The following KRT8 variants were observed in gnomAD, a reference collection of about 807,000 sequenced individuals.
The protein encoded by KRT8 is keratin, type II cytoskeletal 8.
KRT8 carries 24 observed loss-of-function variants against 43.0 expected under a neutral mutation model. The observed-to-expected ratio is 0.56, with a 90% CI of 0.40 to 0.78. The LOEUF is 0.78. KRT8 is among the 30% of genes least tolerant of loss of function. The probability of loss-of-function intolerance (pLI) is 0.00; values close to 1 mark genes in which losing one functional copy is unlikely to be tolerated. For missense variants in KRT8, 492 were observed against 638.4 expected, an observed-to-expected ratio of 0.77 and a Z score of 2.47; for synonymous variants, 214 against 261.2, an observed-to-expected ratio of 0.82 and a Z score of 1.74.
chr12:52,918,073 A>AGAGGAG (rs372632283), intron 2 of KRT8, among the ~76,000 whole-genome samples: 1 of 41,876 alleles, frequency 2.4e-5, no homozygotes, highest in Non-Finnish European at 4.3e-5. Flanking sequence ...GAGAAGAAGA[A>AGAGGAG]GAGGAGGAGG....
upstream of KRT8, among the ~76,000 whole-genome samples, chr12:52,911,029 C>T (rs1941626540): frequency 1.3e-5 from 2 of 152,136 alleles, no homozygotes; most frequent in African/African-American, 4.8e-5. Context: ...TTGACCAAGG[C>T]AAGGTATTTC....
intron 1 of KRT8, among the ~76,000 whole-genome samples, chr12:52,904,427 G>C (rs1941460068): frequency 6.6e-6 from 1 of 152,176 alleles, no homozygotes; most frequent in Admixed American, 6.5e-5. Flanking sequence ...GTTTAAAAGG[G>C]AAGAAGGAAG....
At chr12:52,929,237 G>C (rs1433783833) in intron 2 of KRT8, among the ~76,000 whole-genome samples, 1 of 145,356 alleles carries the variant, frequency 6.9e-6, no homozygotes, top group Admixed American at 7.1e-5. Flanking sequence ...CCAGGCTAGA[G>C]TGCAGCGGTA....
chr12:52,901,384 C>T (rs1941366508), intron 2 of KRT8, 165 bp from the exon 3 acceptor site: 3 of 685,878 alleles, frequency 4.4e-6, no homozygotes, highest in African/African-American at 3.5e-5. Context: ...TCTCCACCCT[C>T]ACCCCTCCCT....
rs1180937574 is a variant in KRT8, at chr12:52,918,626, G to A, written c.-46-13599C>T. ...CGCAGCCACTTCCTAATGGTGTTAA[G>A]AGTTACTTCACCAGCTGAAAATGCA... is the stretch of plus-strand genomic sequence containing the variant. On this transcript the variant is annotated intron_variant, in intron 2 of 6. Coordinates refer to the KRT8 transcript ENST00000546826. Among the ~76,000 whole-genome samples the A allele has an allele frequency of 3.3e-5, 5 of 152,280 alleles. No individual in the cohort carries two copies. In the East Asian group the frequency reaches 5.8e-4, roughly 18 times the overall value.
At chr12:52,945,050 T>A (rs1020865059) in intron 2 of KRT8, among the ~76,000 whole-genome samples, 10 of 152,200 alleles carry the variant, frequency 6.6e-5, no homozygotes, top group African/African-American at 2.4e-4. Context: ...CCATGTTTAT[T>A]AATTACTTAA....
intron 2 of KRT8, among the ~76,000 whole-genome samples, chr12:52,926,811 G>A (rs1325928741): frequency 1.3e-5 from 2 of 152,096 alleles, no homozygotes; most frequent in Non-Finnish European, 1.5e-5. Context: ...AGCTCAAACC[G>A]GAGTCCTGTA....
chr12:52,917,402 A>G (rs1186907954), intron 2 of KRT8, among the ~76,000 whole-genome samples: 3 of 150,704 alleles, frequency 2.0e-5, no homozygotes, highest in African/African-American at 7.3e-5. Context: ...TCCATCTCAA[A>G]AAAAAAAAAG....
At chr12:52,904,021 C>A (rs1267033203) in intron 1 of KRT8, among the ~76,000 whole-genome samples, 1 of 151,924 alleles carries the variant, frequency 6.6e-6, no homozygotes, top group African/African-American at 2.4e-5. Flanking sequence ...CTGTGACCCC[C>A]GCACTCAGGC....
At chr12:52,924,252 T>A (rs995744953) in intron 2 of KRT8, among the ~76,000 whole-genome samples, 21 of 151,946 alleles carry the variant, frequency 1.4e-4, no homozygotes, top group African/African-American at 5.1e-4. Flanking sequence ...ATCGAGACCA[T>A]CCTGGCTAAC....
intron 2 of KRT8, among the ~76,000 whole-genome samples, chr12:52,929,327 G>A (rs1942047365): frequency 1.3e-5 from 2 of 151,902 alleles, no homozygotes; most frequent in African/African-American, 4.8e-5. Context: ...GAGTAGCTGG[G>A]ATTACAGGTG....
chr12:52,921,876 A>G (rs1192191372), intron 2 of KRT8, among the ~76,000 whole-genome samples: 1 of 152,254 alleles, frequency 6.6e-6, no homozygotes, highest in South Asian at 2.1e-4. Flanking sequence ...ATTAAAAGCA[A>G]TGTGCACTGC....
intron 1 of KRT8, among the ~76,000 whole-genome samples, chr12:52,903,984 G>C (rs1217456129): frequency 1.3e-5 from 2 of 151,402 alleles, no homozygotes; most frequent in Non-Finnish European, 2.9e-5. Flanking sequence ...CCACGCTGCC[G>C]GCGCAGGGGC....
At chr12:52,938,170 A>ATATATATATATTTTTTTT (rs1555189967) in intron 2 of KRT8, among the ~76,000 whole-genome samples, 6 of 30,306 alleles carry the variant, frequency 2.0e-4, no homozygotes, top group Non-Finnish European at 3.0e-4. Flanking sequence ...ATATATATAT[A>ATATATATATATTTTTTTT]TTTTTTTTTT....
At chr12:52,949,734 C>G in exon 1 of KRT8, 1 of 777,196 alleles carries the variant, frequency 1.3e-6, no homozygotes, top group Non-Finnish European at 2.3e-6. Flanking sequence ...CATCCGCGCA[C>G]CTAGCCACAG....
At chr12:52,902,274 C>T in intron 1 of KRT8, 2 of 599,130 alleles carry the variant, frequency 3.3e-6, no homozygotes, top group Non-Finnish European at 3.0e-6. Context: ...GAGCAATGTC[C>T]CTCAGCATTG....
At chr12:52,897,929 T>C (rs548896040) in intron 7 of KRT8, among the ~76,000 whole-genome samples, 1 of 152,268 alleles carries the variant, frequency 6.6e-6, no homozygotes, top group South Asian at 2.1e-4. Flanking sequence ...CTCATGCCTG[T>C]AATCCCAGCA....
intron 2 of KRT8, among the ~76,000 whole-genome samples, chr12:52,931,392 T>C (rs972987636): frequency 6.6e-6 from 1 of 152,112 alleles, no homozygotes; most frequent in African/African-American, 2.4e-5. Flanking sequence ...TCTAAAATAG[T>C]TTCCCTTGGT....
intron 2 of KRT8, among the ~76,000 whole-genome samples, chr12:52,920,435 T>A (rs1941859362): frequency 6.6e-6 from 1 of 151,856 alleles, no homozygotes; most frequent in Admixed American, 6.6e-5. Context: ...CCATCTCTAC[T>A]AAAAATACAA....
Sources: allele counts gnomAD v4.1 joint callset (sites outside exome capture counted in the v4.1 genomes callset), GRCh38; gene constraint gnomAD v4.1.1; transcripts MANE v1.5; gene names NCBI Gene and HGNC (gene_info 2026-07-23, HGNC 2026-07-21).